Variants in PDE8B observed in about 807,000 individuals in gnomAD.
PDE8B encodes phosphodiesterase 8B, also known as high affinity cAMP-specific and IBMX-insensitive 3',5'-cyclic phosphodiesterase 8B.
PDE8B carries 26 observed loss-of-function variants against 101.3 expected under a neutral mutation model. The observed-to-expected ratio is 0.26, with a 90% confidence interval of 0.19 to 0.36. The LOEUF (loss-of-function observed/expected upper bound fraction) is 0.36. PDE8B is among the 10% of genes least tolerant of loss of function. The probability of loss-of-function intolerance (pLI) is 1.00; values close to 1 mark genes in which losing one functional copy is unlikely to be tolerated. For synonymous variants in PDE8B, 424 were observed against 429.3 expected, an observed-to-expected ratio of 0.99 and a Z score of 0.15; for missense variants, 810 against 1,163.1, an observed-to-expected ratio of 0.70 and a Z score of 4.42.
chr5:77,331,362 T>G, intron 4 of PDE8B, 40 bp from the exon 5 acceptor site: 1 of 1,575,332 alleles, frequency 6.3e-7, no homozygotes, highest in Non-Finnish European at 8.7e-7. Flanking sequence ...GAATCCTGGT[T>G]TGTATCTGCT....
At chr5:77,350,924 A>G (rs1780987787) in intron 8 of PDE8B, 141 bp from the exon 9 acceptor site, 2 of 726,310 alleles carry the variant, frequency 2.8e-6, no homozygotes, top group African/African-American at 1.7e-5. Flanking sequence ...TCAGCATTGC[A>G]CTGGGTACAA....
rs912110659 is a variant in PDE8B, at chr5:77,211,039, A to G, written c.114A>G (p.Ala38=). ...QTTSVSQGPA[A]PLPGLFVQTD... is the part of the protein sequence containing the mutation. ...CCAGCGTGTCGCAGGGCCCGGCGGC[A>G]CCCCTGCCCGGCCTCTTCGTCCAGA... Residue 38 remains alanine, a synonymous_variant, in exon 1 of 22, where the codon GCA becomes GCG. Coordinates refer to ENST00000264917, the MANE Select transcript of PDE8B (RefSeq NM_003719.5). The surrounding 1 kb of genome is among the most constrained non-coding windows in gnomAD (Gnocchi z 4.1). 3 of 1,532,288 alleles carry G rather than the reference A, an allele frequency of 2.0e-6. No individual in the cohort carries two copies. The highest frequency in any genetic ancestry group is 1.7e-6 in the Non-Finnish European group (2 of 1,150,168). The allele number at this position is 1,532,288 out of a possible 1,614,324, so 94.9% of individuals were successfully genotyped here. A position where few individuals can be genotyped will look rare whatever the true frequency, so the allele number is the denominator to read the frequency against.
At chr5:77,292,496 G>A (rs553248018) in intron 1 of PDE8B, among the ~76,000 whole-genome samples, 1 of 152,300 alleles carries the variant, frequency 6.6e-6, no homozygotes, top group Non-Finnish European at 1.5e-5. Flanking sequence ...CCCTCTAGCA[G>A]GGTATGAAAC....
chr5:77,299,055 C>T (rs1203713047), intron 1 of PDE8B, among the ~76,000 whole-genome samples: 1 of 152,162 alleles, frequency 6.6e-6, no homozygotes, highest in Non-Finnish European at 1.5e-5. Context: ...GCACTTGTAG[C>T]TTTGTATGTC....
chr5:77,129,374 G>A, the PDE8B span, among the ~76,000 whole-genome samples: 1 of 152,028 alleles, frequency 6.6e-6, no homozygotes, highest in Non-Finnish European at 1.5e-5. Flanking sequence ...GATCTTTACC[G>A]AGACTCCAAA....
At chr5:77,249,026 C>T (rs535057387) in intron 1 of PDE8B, among the ~76,000 whole-genome samples, 25 of 152,330 alleles carry the variant, frequency 1.6e-4, no homozygotes, top group African/African-American at 4.6e-4. Flanking sequence ...AGATAAATTT[C>T]TGTTGTTTAA....
At chr5:77,225,880 A>ACCC (rs879406471) in intron 1 of PDE8B, among the ~76,000 whole-genome samples, 2 of 100,718 alleles carry the variant, frequency 2.0e-5, no homozygotes, top group Non-Finnish European at 4.1e-5. Context: ...ACACACACAC[A>ACCC]CCCCACGCAC....
At chr5:77,143,285 C>T in the PDE8B span, among the ~76,000 whole-genome samples, 1 of 152,120 alleles carries the variant, frequency 6.6e-6, no homozygotes, top group Non-Finnish European at 1.5e-5. Flanking sequence ...TAAACTGGCT[C>T]TTGTTTGCTA....
intron 1 of PDE8B, among the ~76,000 whole-genome samples, chr5:77,293,169 ATG>A (rs2149967009): frequency 6.6e-6 from 1 of 152,318 alleles, no homozygotes; most frequent in African/African-American, 2.4e-5. Flanking sequence ...CTTTATATAT[ATG>A]TATAGATATG....
chr5:77,236,438 T>A (rs893757527), intron 1 of PDE8B, among the ~76,000 whole-genome samples: 3 of 152,198 alleles, frequency 2.0e-5, no homozygotes, highest in Admixed American at 6.5e-5. Flanking sequence ...GAGGAGAAAT[T>A]CAGTTTCTAA....
chr5:77,375,787 A>G (rs1785954187), intron 10 of PDE8B, among the ~76,000 whole-genome samples: 1 of 151,980 alleles, frequency 6.6e-6, no homozygotes, highest in Admixed American at 6.6e-5. Flanking sequence ...GTCACATGAG[A>G]TACATATACT....
intron 16 of PDE8B, 139 bp downstream of exon 16, chr5:77,412,374 G>T: frequency 1.2e-6 from 1 of 815,080 alleles, no homozygotes; most frequent in South Asian, 1.4e-5. Flanking sequence ...TTAGAGTAGT[G>T]TTGAATGAGC....
chr5:77,340,617 G>GTGTGTC (rs1397433437), intron 6 of PDE8B, among the ~76,000 whole-genome samples: 2 of 151,520 alleles, frequency 1.3e-5, no homozygotes, highest in African/African-American at 2.4e-5. Context: ...GTGTGTGTGT[G>GTGTGTC]TGTGTGTGTG....
Position 77,290,585 on chromosome 5 carries a change from G to A in PDE8B, c.340-21409G>A. On this transcript the variant is annotated intron_variant, in intron 1 of 21. Coordinates refer to ENST00000264917, the MANE Select transcript of PDE8B (RefSeq NM_003719.5). ...AAGTACTAGGAAGCTTGGTGTCTTT[G>A]GAGATGGGGAAAATCTTAGTGGAAG... The A allele has an allele frequency of 4.7e-6, 7 of 1,503,470 alleles. No individual in the cohort carries two copies. The South Asian group carries it at 6.8e-5, about 15-fold the overall frequency. The allele number at this position is 1,503,470 out of a possible 1,614,324, so 93.1% of individuals were successfully genotyped here.
At chr5:77,187,059 T>C in the PDE8B span, among the ~76,000 whole-genome samples, 2 of 152,248 alleles carry the variant, frequency 1.3e-5, no homozygotes, top group African/African-American at 4.8e-5. Context: ...TATGAATATG[T>C]ACACAGTGTA....
chr5:77,426,895 C>T lies in PDE8B; in HGVS notation c.*341C>T, dbSNP rs559578439. The T allele has an allele frequency of 3.1e-4, 105 of 337,172 alleles. No homozygotes were observed. Among genetic ancestry groups the T allele is most frequent in the South Asian group, 1.1e-3 (40 of 36,938 alleles). 20.9% of individuals were successfully genotyped at this position (337,172 alleles called of 1,614,324 possible). On this transcript the variant is annotated 3_prime_UTR_variant, in exon 22 of 22. Coordinates refer to ENST00000264917, the MANE Select transcript of PDE8B (RefSeq NM_003719.5). The stretch of plus-strand genomic sequence containing the variant: ...AGCCTTGGTGCCTGTGAGCTCATCT[C>T]CCAGGATGGTGACTAAGTAGCTTAG...
chr5:77,135,903 A>C, the PDE8B span, among the ~76,000 whole-genome samples: 9 of 152,074 alleles, frequency 5.9e-5, no homozygotes, highest in Admixed American at 4.6e-4. Context: ...AGGCATGAGC[A>C]TTGGCAAATT....
the PDE8B span, among the ~76,000 whole-genome samples, chr5:77,159,588 A>T: frequency 6.6e-6 from 1 of 152,110 alleles, no homozygotes; most frequent in Admixed American, 6.5e-5. Flanking sequence ...TCCCGTTCAT[A>T]TATGTATTTG....
chr5:77,275,538 A>G (rs1168094897), intron 1 of PDE8B, among the ~76,000 whole-genome samples: 4 of 152,216 alleles, frequency 2.6e-5, no homozygotes, highest in African/African-American at 9.6e-5. Flanking sequence ...AAGGCTATGA[A>G]TGTGGATCTG....
Sources: gnomAD v4.1 joint callset for allele counts (sites outside exome capture counted in the v4.1 genomes callset) on GRCh38, gnomAD v4.1.1 for gene constraint, Gnocchi (gnomAD v3.1) non-coding constraint, MANE v1.5 for transcripts, NCBI Gene and HGNC (gene_info 2026-07-23, HGNC 2026-07-21) for gene names.